EML6: variants seen among roughly 807,000 people sequenced by gnomAD.
The protein encoded by EML6 is EMAP like 6.
A neutral mutation model predicts 240.1 loss-of-function variants in EML6; 154 were observed. The ratio of observed to expected loss-of-function variants is 0.64; its 90% CI spans 0.56 to 0.73. The LOEUF (loss-of-function observed/expected upper bound fraction) is 0.73. EML6 is among the 30% of genes least tolerant of loss of function. The pLI is 0.00. For synonymous variants in EML6, 1,148 were observed against 899.0 expected, an observed-to-expected ratio of 1.28 and a Z score of -4.95; for missense variants, 2,964 against 2,474.6, an observed-to-expected ratio of 1.20 and a Z score of -4.20.
Position 54,964,583 on chromosome 2 carries a change from C to A in EML6, c.5343C>A (p.Asp1781Glu). 6.4e-7 allele frequency: 1 copy of A among 1,552,374 alleles called. No individual in the cohort carries two copies. Among genetic ancestry groups the A allele is most frequent in the Non-Finnish European group, 8.7e-7 (1 of 1,147,110 alleles). Reference protein sequence around the residue: ...SAIQDIRISPDNRFLAVGSSE... With the variant: ...SAIQDIRISPENRFLAVGSSE... ...TTGCTTTTTCTAGAATCAGCCCAGACAACCGATTCTTAGCCGTTGGTTCTT... is the reference window on the plus strand; with the variant it reads ...TTGCTTTTTCTAGAATCAGCCCAGAAAACCGATTCTTAGCCGTTGGTTCTT... Residue 1781 changes from aspartate (D) to glutamate (E), a missense_variant, in exon 38 of 42, where the codon GAC (aspartate) becomes GAA (glutamate). Transcript: ENST00000356458.
At chr2:54,926,687 T>C (rs973533026) in intron 26 of EML6, among the ~76,000 whole-genome samples, 3 of 152,222 alleles carry the variant, frequency 2.0e-5, no homozygotes, top group African/African-American at 4.8e-5. Flanking sequence ...GGAGCAGTGA[T>C]TTTCTTTCCT....
chr2:54,743,625 A>G (rs1357347755), intron 2 of EML6, among the ~76,000 whole-genome samples: 1 of 152,138 alleles, frequency 6.6e-6, no homozygotes, highest in African/African-American at 2.4e-5. Context: ...AATTACCTTA[A>G]ATAAGAAGCC....
Position 54,970,404 on chromosome 2 carries a change from C to T in EML6, c.*309C>T, listed in dbSNP as rs546874059. 6.7e-5 allele frequency: 23 copies of T among 343,618 alleles called. No homozygotes were observed. Among genetic ancestry groups the T allele is most frequent in the African/African-American group, 1.4e-4 (7 of 49,316 alleles). The allele number at this position is 343,618 out of a possible 1,614,324, so 21.3% of individuals were successfully genotyped here. On this transcript the variant is annotated 3_prime_UTR_variant, in exon 42 of 42. Coordinates refer to ENST00000356458, the MANE Select transcript of EML6 (RefSeq NM_001039753.4). ...CCTATCTGATAATGTAGCCCGCTGA[C>T]GAATTTTGAAGCCTCGGTTACCCTA...
At chr2:54,869,103 G>A (rs1671120398) in intron 14 of EML6, 78 bp from the exon 15 acceptor site, 6 of 920,872 alleles carry the variant, frequency 6.5e-6, no homozygotes, top group Non-Finnish European at 9.9e-6. Context: ...CAATATGTTA[G>A]CCTTGCCTCT....
At chr2:54,812,599 C>T (rs1000994203) in intron 2 of EML6, among the ~76,000 whole-genome samples, 1 of 151,854 alleles carries the variant, frequency 6.6e-6, no homozygotes, top group Non-Finnish European at 1.5e-5. Flanking sequence ...TGGTATTTGA[C>T]GAAGTTTCAT....
Position 54,850,159 on chromosome 2 carries a change from A to G in EML6, c.1385A>G (p.Asp462Gly), listed in dbSNP as rs1379550911. Residue 462 changes from aspartate to glycine, a missense_variant, in exon 10 of 42, where the codon GAT (aspartate) becomes GGT (glycine). Physicochemically the swap from Asp to Gly is moderately conservative, Grantham distance 94. Coordinates refer to ENST00000356458, the MANE Select transcript of EML6 (RefSeq NM_001039753.4). Reference protein sequence around the residue: ...SFITHIDWSLDSKYLQTNDGA... With the variant: ...SFITHIDWSLGSKYLQTNDGA... The stretch of plus-strand genomic sequence containing the variant: ...ATCACGCATATTGACTGGTCCTTGG[A>G]TAGTAAATACTTACAAACTAATGAC... 1.9e-6 allele frequency: 3 copies of G among 1,551,414 alleles called. No individual in the cohort carries two copies. Among genetic ancestry groups the G allele is most frequent in the South Asian group, 1.2e-5 (1 of 84,058 alleles).
At chr2:54,871,356 T>G in intron 15 of EML6, 144 bp from the exon 16 acceptor site, 1 of 645,276 alleles carries the variant, frequency 1.5e-6, no homozygotes, top group East Asian at 2.7e-5. Context: ...CAAAAATAAC[T>G]GAATTGTAGC....
chr2:54,858,263 G>A (rs1320399598), intron 11 of EML6, among the ~76,000 whole-genome samples: 1 of 152,216 alleles, frequency 6.6e-6, no homozygotes, highest in East Asian at 1.9e-4. Context: ...AGACAGCAAG[G>A]CAGAATCTGC....
At chr2:54,875,318 A>G (rs1291461554) in intron 16 of EML6, among the ~76,000 whole-genome samples, 1 of 152,230 alleles carries the variant, frequency 6.6e-6, no homozygotes, top group Non-Finnish European at 1.5e-5. Context: ...CTCAAGTAGA[A>G]ATGTTGAAAG....
rs1227192239 is a variant in EML6, at chr2:54,865,328, A to AAAAC, written c.1933-1435_1933-1434insCAAA. Among the ~76,000 whole-genome samples the AAAAC allele has an allele frequency of 1.3e-5, 2 of 151,314 alleles. 1 individual carries two copies. Among genetic ancestry groups the AAAAC allele is most frequent in the African/African-American group, 4.9e-5 (2 of 41,156 alleles). On this transcript the variant is annotated intron_variant, in intron 13 of 41. Coordinates refer to ENST00000356458, the MANE Select transcript of EML6 (RefSeq NM_001039753.4). Reference sequence around the variant, plus strand: ...ACACAGTCTCTGTATCTACAAAAAAAAAAAAAAACTGCTGGGCATTTGCCT... The same window carrying AAAAC: ...ACACAGTCTCTGTATCTACAAAAAAAAAACAAAAAAAACTGCTGGGCATTTGCCT...
In EML6 at chr2:54,931,694, A is replaced by G. The variant is rs1435732393; in HGVS notation, c.4004+2943A>G. ...TTTTTCTAAACACTTGGTTCAAGAC[A>G]TGCACCAATGAGACTAATGGGAGAC... On this transcript the variant is annotated intron_variant, in intron 28 of 41. Coordinates refer to ENST00000356458, the MANE Select transcript of EML6 (RefSeq NM_001039753.4). Among the ~76,000 whole-genome samples the G allele has an allele frequency of 3.9e-5, 6 of 152,186 alleles. No individual in the cohort carries two copies. In the East Asian group the frequency reaches 5.8e-4, roughly 15 times the overall value.
At chr2:54,912,108 C>T (rs796742865) in intron 25 of EML6, among the ~76,000 whole-genome samples, 9 of 152,312 alleles carry the variant, frequency 5.9e-5, no homozygotes, top group African/African-American at 2.2e-4. Flanking sequence ...TAAGGTTCTC[C>T]CTAAGACATT....
chr2:54,945,526 A>G (rs1239185246), intron 28 of EML6, among the ~76,000 whole-genome samples: 1 of 152,070 alleles, frequency 6.6e-6, no homozygotes, highest in Non-Finnish European at 1.5e-5. Context: ...AACTGGTTGG[A>G]ACGACTTGGT....
At chr2:54,925,834 C>G (rs539672121) in intron 26 of EML6, among the ~76,000 whole-genome samples, 1 of 152,164 alleles carries the variant, frequency 6.6e-6, no homozygotes, top group Non-Finnish European at 1.5e-5. Context: ...CCTTCCCTTC[C>G]GAACCTAGAC....
chr2:54,846,504 G>C (rs1291790620), intron 8 of EML6, among the ~76,000 whole-genome samples: 1 of 138,768 alleles, frequency 7.2e-6, no homozygotes, highest in Non-Finnish European at 1.5e-5. Flanking sequence ...TTTTTTTTGA[G>C]ACAGGGCCTT....
intron 7 of EML6, among the ~76,000 whole-genome samples, chr2:54,830,955 T>C (rs2104193502): frequency 6.6e-6 from 1 of 152,296 alleles, no homozygotes; most frequent in Middle Eastern, 3.4e-3. Context: ...TACCTCAATG[T>C]AGGGACAAGG....
At chr2:54,859,132 G>A (rs903826305) in intron 11 of EML6, among the ~76,000 whole-genome samples, 4 of 152,152 alleles carry the variant, frequency 2.6e-5, no homozygotes, top group Non-Finnish European at 4.4e-5. Flanking sequence ...CTATGTCTAC[G>A]TGACTCCAAA....
At chr2:54,882,798 C>CCG (rs1671892112) in intron 17 of EML6, 1 of 136,522 alleles carries the variant, frequency 7.3e-6, no homozygotes, top group East Asian at 2.1e-4. Context: ...GCGGAGCTTG[C>CCG]AGTGAGCCGA....
At chr2:54,797,021 G>A (rs935732957) in intron 2 of EML6, among the ~76,000 whole-genome samples, 16 of 151,618 alleles carry the variant, frequency 1.1e-4, no homozygotes, top group Non-Finnish European at 1.6e-4. Context: ...AAAAATTAGC[G>A]GGGCCTAGTG....
Sources: gnomAD v4.1 joint callset for allele counts (sites outside exome capture counted in the v4.1 genomes callset) on GRCh38, gnomAD v4.1.1 for gene constraint, MANE v1.5 for transcripts, NCBI Gene and HGNC (gene_info 2026-07-23, HGNC 2026-07-21) for gene names.